ADAMTS20: variants seen among roughly 807,000 people sequenced by gnomAD.
The protein encoded by ADAMTS20 is ADAM metallopeptidase with thrombospondin type 1 motif 20, also known as A disintegrin and metalloproteinase with thrombospondin motifs 20.
In ADAMTS20, 225 loss-of-function variants were observed where a neutral mutation model predicts 260.1. That is an observed-to-expected ratio of 0.87 (90% CI 0.78 to 0.97). ADAMTS20 has a LOEUF of 0.97. ADAMTS20 is among the 50% of genes least tolerant of loss of function. The probability of loss-of-function intolerance (pLI) is 0.00; values close to 1 mark genes in which losing one functional copy is unlikely to be tolerated. For synonymous variants in ADAMTS20, 802 were observed against 769.5 expected, an observed-to-expected ratio of 1.04 and a Z score of -0.70; for missense variants, 2,400 against 2,337.7, an observed-to-expected ratio of 1.03 and a Z score of -0.55.
chr12:43,369,703 G>C (rs947432571), intron 36 of ADAMTS20, among the ~76,000 whole-genome samples: 1 of 152,000 alleles, frequency 6.6e-6, no homozygotes, highest in Non-Finnish European at 1.5e-5. Context: ...GTAAAGTGGG[G>C]TCAGGAGCAA....
At chr12:43,391,997 T>C (rs1378374448) in intron 29 of ADAMTS20, among the ~76,000 whole-genome samples, 1 of 152,212 alleles carries the variant, frequency 6.6e-6, no homozygotes, top group Non-Finnish European at 1.5e-5. Flanking sequence ...TATTTAAATG[T>C]ATAAAATCTT....
intron 11 of ADAMTS20, 106 bp from the exon 12 acceptor site, chr12:43,454,158 T>C: frequency 4.8e-6 from 6 of 1,260,738 alleles, no homozygotes; most frequent in Non-Finnish European, 5.4e-6. Context: ...AACTAAACAA[T>C]TTGAAGCTAG....
intron 37 of ADAMTS20, among the ~76,000 whole-genome samples, chr12:43,356,883 T>C (rs1015365039): frequency 1.3e-5 from 2 of 152,238 alleles, no homozygotes; most frequent in African/African-American, 4.8e-5. Flanking sequence ...CTGTTTCACC[T>C]ATTTGACATA....
intron 23 of ADAMTS20, 41 bp from the exon 24 acceptor site, chr12:43,429,765 T>G: frequency 7.7e-7 from 1 of 1,292,374 alleles, no homozygotes; most frequent in South Asian, 1.4e-5. Context: ...CATTAATTAA[T>G]GACTGATTTA....
At chr12:43,477,555 T>A (rs573657125) in intron 7 of ADAMTS20, among the ~76,000 whole-genome samples, 1 of 152,298 alleles carries the variant, frequency 6.6e-6, no homozygotes, top group South Asian at 2.1e-4. Flanking sequence ...AACTAGGTTT[T>A]AATGAAAGCC....
rs1484422936 is a variant in ADAMTS20 at position 43,466,724 on chromosome 12, G to C, written c.1295C>G (p.Pro432Arg). 3 of 1,610,882 alleles carry C rather than the reference G, an allele frequency of 1.9e-6. No homozygotes were observed. The South Asian group carries it at 3.3e-5, about 18-fold the overall frequency. ...MKVTKYHVMA[P>R]ALSFHMSPWS... ...AGGACTCATGTGAAAACTTAAAGCA[G>C]GGGCCATTACATGATACTTTGTAAC... Residue 432 changes from proline (P) to arginine (R), a missense_variant, in exon 9 of 39, where the codon CCT becomes CGT. Coordinates refer to ENST00000389420, the MANE Select transcript of ADAMTS20 (RefSeq NM_025003.5).
intron 2 of ADAMTS20, among the ~76,000 whole-genome samples, chr12:43,542,992 A>G (rs166700): frequency 0.93 from 141,113 of 152,174 alleles, 65,860 homozygotes; most frequent in East Asian, 0.99. Flanking sequence ...GGGCAATTGA[A>G]GTCCAAGGAT....
chr12:43,448,477 T>C (rs1194834876), intron 14 of ADAMTS20, among the ~76,000 whole-genome samples: 6 of 152,012 alleles, frequency 3.9e-5, no homozygotes, highest in African/African-American at 9.7e-5. Flanking sequence ...TTACATCTTA[T>C]AAAAAAATCA....
chr12:43,452,273 C>G lies in ADAMTS20; in HGVS notation c.2079+1G>C, dbSNP rs561408794. The stretch of plus-strand genomic sequence containing the variant: ...CTAATAGAAACTTATAGTTTACTTA[C>G]CATACACTGGCCTTGAACACAGATG... On this transcript the variant is annotated splice_donor_variant, in intron 14 of 38. Coordinates refer to ENST00000389420, the MANE Select transcript of ADAMTS20 (RefSeq NM_025003.5). LOFTEE classifies it high-confidence loss of function. The G allele has an allele frequency of 6.2e-7, 1 of 1,602,968 alleles. No individual in the cohort carries two copies. Among genetic ancestry groups the G allele is most frequent in the Non-Finnish European group, 8.5e-7 (1 of 1,176,710 alleles).
chr12:43,414,122 T>C (rs1433846804), intron 28 of ADAMTS20, among the ~76,000 whole-genome samples: 1 of 152,186 alleles, frequency 6.6e-6, no homozygotes, highest in African/African-American at 2.4e-5. Flanking sequence ...TTAACATTTT[T>C]TAAAAGGAGA....
chr12:43,405,622 C>A (rs1940905055), intron 28 of ADAMTS20, among the ~76,000 whole-genome samples: 1 of 151,876 alleles, frequency 6.6e-6, no homozygotes, highest in Admixed American at 6.6e-5. Context: ...TCTCCCTCAA[C>A]CATTTTATTT....
At chr12:43,549,626 A>T (rs1943486304) in intron 2 of ADAMTS20, among the ~76,000 whole-genome samples, 1 of 152,178 alleles carries the variant, frequency 6.6e-6, no homozygotes, top group South Asian at 2.1e-4. Context: ...CAGACAAACT[A>T]AACATTATTT....
At chr12:43,446,560 T>C in intron 15 of ADAMTS20, 35 bp downstream of exon 15, 2 of 1,548,502 alleles carry the variant, frequency 1.3e-6, no homozygotes, top group Non-Finnish European at 1.8e-6. Context: ...TTATACTAAA[T>C]AAAAGCGAAA....
In ADAMTS20 at chr12:43,432,636, C is replaced by T. The variant is rs867189318; in HGVS notation, c.2896G>A (p.Val966Ile). The change falls in exon 20 of 39, where the codon GTC becomes ATC. Residue 966 changes from valine to isoleucine, a missense_variant. Coordinates refer to ENST00000389420, the MANE Select transcript of ADAMTS20 (RefSeq NM_025003.5). ...PTQELCHGNC[V>I]FTRWHYSEWS... ...TCTGAATAATGCCATCTTGTGAAGA[C>T]ACAGTTACCATGGCATAGTTCTTGG... is the stretch of plus-strand genomic sequence containing the variant. 6.2e-7 allele frequency: 1 copy of T among 1,613,906 alleles called. No homozygotes were observed. The highest frequency in any genetic ancestry group is 1.1e-5 in the South Asian group (1 of 91,070).
At position 43,432,359 on chromosome 12, in the gene ADAMTS20, C is replaced by G. The variant is rs1479206467; in HGVS notation, c.3041G>C (p.Arg1014Thr). The change falls in exon 21 of 39, where the codon AGA becomes ACA. Residue 1014 changes from arginine (R) to threonine (T), a missense_variant. Physicochemically the swap from Arg to Thr is moderately conservative, Grantham distance 71 (BLOSUM62 -1). Transcript: ENST00000389420. Reference sequence around the variant, plus strand: ...ACAGGAAAATTCATTGCAATTCTCTCTCGTCACTCGGGACAGTTCTTGGCA... The same window carrying G: ...ACAGGAAAATTCATTGCAATTCTCTGTCGTCACTCGGGACAGTTCTTGGCA... The part of the protein sequence containing the change: ...NECQELSRVT[R>T]ENCNEFSCPS... The G allele has an allele frequency of 1.2e-6, 2 of 1,613,906 alleles. No homozygotes were observed. The highest frequency in any genetic ancestry group is 4.5e-5 in the East Asian group (2 of 44,870).
chr12:43,483,556 A>C (rs774308455), intron 7 of ADAMTS20, among the ~76,000 whole-genome samples: 1 of 152,196 alleles, frequency 6.6e-6, no homozygotes, highest in Non-Finnish European at 1.5e-5. Flanking sequence ...AGGCTTGCAC[A>C]AGAGGTAGAG....
At chr12:43,484,737 A>G (rs528081204) in intron 7 of ADAMTS20, among the ~76,000 whole-genome samples, 1 of 152,184 alleles carries the variant, frequency 6.6e-6, no homozygotes, top group South Asian at 2.1e-4. Flanking sequence ...CTAAGAGAGA[A>G]GAAAAATCAA....
At chr12:43,435,267 T>A (rs565018200) in intron 18 of ADAMTS20, among the ~76,000 whole-genome samples, 1 of 152,290 alleles carries the variant, frequency 6.6e-6, no homozygotes, top group East Asian at 1.9e-4. Flanking sequence ...TGGAGGAGAA[T>A]GGCAGAGGGA....
rs768648184 is a variant in ADAMTS20 at position 43,466,730 on chromosome 12, A to C, written c.1289T>G (p.Met430Arg). Residue 430 changes from methionine (M) to arginine (R), a missense_variant, in exon 9 of 39, where the codon ATG (methionine) becomes AGG (arginine). By Grantham distance (91) the Met-to-Arg change is moderately conservative (BLOSUM62 -1). Transcript: ENST00000389420. ...CATGTGAAAACTTAAAGCAGGGGCC[A>C]TTACATGATACTTTGTAACTTTCAT... ...KEMKVTKYHV[M>R]APALSFHMSP... 1 of 1,610,852 alleles carries C rather than the reference A, an allele frequency of 6.2e-7. No individual in the cohort carries two copies. Among genetic ancestry groups the C allele is most frequent in the South Asian group, 1.1e-5 (1 of 90,800 alleles).
Sources: gnomAD v4.1 joint callset for allele counts (sites outside exome capture counted in the v4.1 genomes callset) on GRCh38, gnomAD v4.1.1 for gene constraint, MANE v1.5 for transcripts, NCBI Gene and HGNC (gene_info 2026-07-23, HGNC 2026-07-21) for gene names.